The following RFPL3 variants were observed in gnomAD, a reference collection of about 807,000 sequenced individuals.
RFPL3 encodes the protein ret finger protein-like 3.
RFPL3 carries 8 observed loss-of-function variants against 8.7 expected under a neutral mutation model. The observed-to-expected ratio is 0.92, with a 90% confidence interval of 0.54 to 1.66. The LOEUF is 1.66. Ranked by LOEUF, RFPL3 falls within the 40% of genes most tolerant of loss-of-function variation. The pLI is 0.00. For synonymous variants in RFPL3, 145 were observed against 150.5 expected, an observed-to-expected ratio of 0.96 and a Z score of 0.27; for missense variants, 341 against 395.0, an observed-to-expected ratio of 0.86 and a Z score of 1.16.
chr22:32,356,471 C>T (rs981914861), upstream of RFPL3, among the ~76,000 whole-genome samples: 2 of 152,134 alleles, frequency 1.3e-5, no homozygotes, highest in East Asian at 1.9e-4. Context: ...CCCTTACACA[C>T]ACTAAGAACC....
intron 1 of RFPL3, 45 bp downstream of exon 1, chr22:32,358,489 G>C: frequency 6.4e-7 from 1 of 1,566,410 alleles, no homozygotes; most frequent in Non-Finnish European, 8.6e-7. Context: ...ACCAGACCAG[G>C]AAAAATCATC....
At chr22:32,357,574 C>G (rs537259615), upstream of RFPL3, among the ~76,000 whole-genome samples, 1 of 152,128 alleles carries the variant, frequency 6.6e-6, no homozygotes, top group South Asian at 2.1e-4. Context: ...TCAAGCGATT[C>G]TCCTGCCAAA....
In RFPL3 at chr22:32,358,335, CA is replaced by C. The variant is rs1477038296; in HGVS notation, c.268del (p.Ile90SerfsTer7). 5.6e-6 allele frequency: 9 copies of C among 1,614,128 alleles called. No individual in the cohort carries two copies. In the East Asian group the frequency reaches 2.0e-4, roughly 36 times the overall value. The stretch of plus-strand genomic sequence containing the variant: ...GCTGTTCCATGGTCTCTCAGAGGAA[CA>C]AAATCAGGCCCAATCGGCAGCTAGA... ...CCCSMVSQRNKIRPNRQLERL... is the reference protein window; with the variant it reads ...CCCSMVSQRNXIRPNRQLERL... On this transcript the variant is annotated frameshift_variant, in exon 1 of 2. Transcript: ENST00000249007. LOFTEE classifies it high-confidence loss of function.
In RFPL3 at chr22:32,360,233, C is replaced by T; in HGVS notation, c.374-19C>T. 6.2e-7 allele frequency: 1 copy of T among 1,600,390 alleles called. No individual in the cohort carries two copies. The highest frequency in any genetic ancestry group is 8.5e-7 in the Non-Finnish European group (1 of 1,170,614). Reference sequence around the variant, plus strand: ...TGGCTTCTGTCCACTTGCTGAGCAACTTGTTTTCCTTTTCACAGTGGATAT... The same window carrying T: ...TGGCTTCTGTCCACTTGCTGAGCAATTTGTTTTCCTTTTCACAGTGGATAT... On this transcript the variant is annotated intron_variant, in intron 1 of 1. Transcript: ENST00000249007.
Position 32,357,962 on chromosome 22 carries a change from C to T in RFPL3, c.-110C>T, listed in dbSNP as rs1932722047. ...AGCACAGTGATGATTCGTGACTTTC[C>T]CAATAGAACTTCAAATCTCTGAGGA... On this transcript the variant is annotated 5_prime_UTR_variant, in exon 1 of 2. Coordinates refer to ENST00000249007, the MANE Select transcript of RFPL3 (RefSeq NM_001098535.1). The T allele has an allele frequency of 5.8e-6, 9 of 1,543,754 alleles. No homozygotes were observed. In the East Asian group the frequency reaches 1.8e-4, roughly 31 times the overall value.
upstream of RFPL3, chr22:32,357,041 C>T: frequency 2.5e-6 from 1 of 403,184 alleles, no homozygotes; most frequent in South Asian, 2.0e-5. Context: ...CCTGGGAGCC[C>T]CCTGACCTCA....
At chr22:32,357,748 T>C, upstream of RFPL3, 1 of 727,184 alleles carries the variant, frequency 1.4e-6, no homozygotes, top group Non-Finnish European at 1.9e-6. Context: ...ATTACAGGCA[T>C]GAGCCATCGT....
In RFPL3 at chr22:32,360,549, G is replaced by T; in HGVS notation, c.671G>T (p.Ser224Ile). The change falls in exon 2 of 2, where the codon AGC becomes ATC. Residue 224 changes from serine to isoleucine, a missense_variant. Transcript: ENST00000249007. ...GFWTVSLRDG[S>I]RLSASTVPLT... ...TGGACTGTGAGTTTGAGGGATGGAAGCCGCCTCTCTGCCAGCACGGTGCCG... is the reference window on the plus strand; with the variant it reads ...TGGACTGTGAGTTTGAGGGATGGAATCCGCCTCTCTGCCAGCACGGTGCCG... 6.2e-7 allele frequency: 1 copy of T among 1,614,004 alleles called. No homozygotes were observed. The highest frequency in any genetic ancestry group is 8.5e-7 in the Non-Finnish European group (1 of 1,179,872).
upstream of RFPL3, chr22:32,356,732 A>G (rs528660566): frequency 1.3e-4 from 49 of 373,000 alleles, no homozygotes; most frequent in African/African-American, 9.9e-4. Flanking sequence ...GTGTGACCTT[A>G]CAGCTGTAGC....
intron 1 of RFPL3, among the ~76,000 whole-genome samples, chr22:32,358,797 A>G (rs1014063150): frequency 1.3e-5 from 2 of 152,170 alleles, no homozygotes; most frequent in African/African-American, 2.4e-5. Context: ...AGAGCAACTG[A>G]ATTTGAATTT....
At chr22:32,357,472 C>CCCCTTTT (rs543220133), upstream of RFPL3, among the ~76,000 whole-genome samples, 1 of 145,126 alleles carries the variant, frequency 6.9e-6, no homozygotes, top group African/African-American at 2.5e-5. Flanking sequence ...ATCCAGCCCC[C>CCCCTTTT]TTTTTTTTTT....
In RFPL3 at chr22:32,360,319, C is replaced by G; in HGVS notation, c.441C>G (p.Val147=). ...TCATTTCTGACGACCTCAGGAGCGT[C>G]CGAAGTGGGCTCATCACACAGAATC... is the stretch of plus-strand genomic sequence containing the variant. ...FLLISDDLRS[V]RSGLITQNRQ... is the part of the protein sequence containing the mutation. Residue 147 remains valine (V), a synonymous_variant, in exon 2 of 2, where the codon GTC becomes GTG. Coordinates refer to ENST00000249007, the MANE Select transcript of RFPL3 (RefSeq NM_001098535.1). 1 of 1,613,954 alleles carries G rather than the reference C, an allele frequency of 6.2e-7. No homozygotes were observed.
upstream of RFPL3, among the ~76,000 whole-genome samples, chr22:32,357,713 C>A (rs1247177597): frequency 6.6e-6 from 1 of 152,096 alleles, no homozygotes; most frequent in African/African-American, 2.4e-5. Flanking sequence ...ATGATCCACC[C>A]ACCTTGGCCT....
chr22:32,358,653 T>C (rs1389376305), intron 1 of RFPL3, among the ~76,000 whole-genome samples: 1 of 152,218 alleles, frequency 6.6e-6, no homozygotes, highest in African/African-American at 2.4e-5. Flanking sequence ...GTCTATGTCA[T>C]GGGTTAGACA....
intron 1 of RFPL3, 80 bp from the exon 2 acceptor site, chr22:32,360,172 T>G: frequency 2.0e-6 from 3 of 1,483,646 alleles, no homozygotes; most frequent in Non-Finnish European, 2.7e-6. Context: ...AGTCAGGAGA[T>G]ATTTGGGCCT....
At position 32,358,377 on chromosome 22, in the gene RFPL3, C is replaced by T; in HGVS notation, c.306C>T (p.His102=). The T allele has an allele frequency of 6.2e-7, 1 of 1,614,080 alleles. No individual in the cohort carries two copies. The highest frequency in any genetic ancestry group is 8.5e-7 in the Non-Finnish European group (1 of 1,179,958). The change falls in exon 1 of 2, where the codon CAC becomes CAT. Residue 102 remains histidine, a synonymous_variant. Coordinates refer to ENST00000249007, the MANE Select transcript of RFPL3 (RefSeq NM_001098535.1). The part of the protein sequence containing the change: ...PNRQLERLVS[H]IKELEPKLKK... ...GGCAGCTAGAGAGGCTGGTTTCCCA[C>T]ATCAAGGAACTGGAGCCCAAGCTGA...
At chr22:32,357,472 C>CCTTTT (rs543220133), upstream of RFPL3, among the ~76,000 whole-genome samples, 7 of 145,174 alleles carry the variant, frequency 4.8e-5, no homozygotes, top group Non-Finnish European at 4.6e-5. Context: ...ATCCAGCCCC[C>CCTTTT]TTTTTTTTTT....
At chr22:32,358,792 A>G (rs891649089) in intron 1 of RFPL3, among the ~76,000 whole-genome samples, 1 of 152,208 alleles carries the variant, frequency 6.6e-6, no homozygotes, top group African/African-American at 2.4e-5. Context: ...AACATAGAGC[A>G]ACTGAATTTG....
At chr22:32,357,686 A>G (rs1932714204), upstream of RFPL3, among the ~76,000 whole-genome samples, 4 of 152,092 alleles carry the variant, frequency 2.6e-5, no homozygotes, top group South Asian at 8.3e-4. Flanking sequence ...CTGGTCTCGA[A>G]CTTTTGATGA....
Sources: gnomAD v4.1 joint callset for allele counts (sites outside exome capture counted in the v4.1 genomes callset) on GRCh38, gnomAD v4.1.1 for gene constraint, MANE v1.5 for transcripts, NCBI Gene and HGNC (gene_info 2026-07-23, HGNC 2026-07-21) for gene names.